Variants in DNAH11 observed in about 807,000 individuals in gnomAD.
The protein encoded by DNAH11 is dynein axonemal heavy chain 11.
Under a neutral mutation model 526.0 loss-of-function variants are expected in DNAH11, and 442 were observed. The observed-to-expected ratio is 0.84, with a 90% CI of 0.78 to 0.91. DNAH11 has a LOEUF of 0.91. DNAH11 is among the 40% of genes least tolerant of loss of function. DNAH11 has a pLI of 0.00. For synonymous variants in DNAH11, 2,461 were observed against 1,935.9 expected (o/e 1.27, Z -7.12); for missense variants, 6,989 against 5,448.7 (o/e 1.28, Z -8.90).
At chr7:21,717,033 TAGTG>T (rs965238258) in intron 42 of DNAH11, among the ~76,000 whole-genome samples, 4 of 152,168 alleles carry the variant, frequency 2.6e-5, no homozygotes, top group African/African-American at 9.7e-5. Context: ...GCTTCATCCT[TAGTG>T]AGAACTTTCT....
intron 65 of DNAH11, among the ~76,000 whole-genome samples, chr7:21,822,549 G>C (rs1790101086): frequency 6.6e-6 from 1 of 152,186 alleles, no homozygotes; most frequent in South Asian, 2.1e-4. Context: ...ACTCAAAAGG[G>C]TTTCTTATCT....
rs1237672981 is a variant in DNAH11, at chr7:21,852,565, G to C, written c.10995G>C (p.Leu3665=). The C allele has an allele frequency of 1.2e-6, 2 of 1,612,708 alleles. No homozygotes were observed. The highest frequency in any genetic ancestry group is 1.7e-5 in the Admixed American group (1 of 59,810). The change falls in exon 67 of 82, where the codon CTG becomes CTC. Residue 3665 remains leucine (L), a synonymous_variant. Coordinates refer to ENST00000409508, the MANE Select transcript of DNAH11 (RefSeq NM_001277115.2). ...TTTCTGCGGCAGAGGGAAGCTTTCT[G>C]GATGACACCAAACTGGTAGAGAGAT... The part of the protein sequence containing the change: ...LRLSAAEGSF[L]DDTKLVERLE...
chr7:21,543,606 G>T lies in DNAH11; in HGVS notation c.351+10G>T. On this transcript the variant is annotated intron_variant, in intron 1 of 81. Coordinates refer to ENST00000409508, the MANE Select transcript of DNAH11 (RefSeq NM_001277115.2). ...TGCGGCTTCCCAGGAGGTAAGAGGC[G>T]ACGGGCAAGGGGACCTGCCCATCCA... 6 of 1,576,980 alleles carry T rather than the reference G, an allele frequency of 3.8e-6. No homozygotes were observed. Among genetic ancestry groups the T allele is most frequent in the Non-Finnish European group, 5.2e-6 (6 of 1,160,836 alleles).
intron 55 of DNAH11, 78 bp downstream of exon 55, chr7:21,765,667 A>C (rs1787151600): frequency 7.4e-7 from 1 of 1,348,112 alleles, no homozygotes; most frequent in Non-Finnish European, 9.7e-7. Context: ...CACTCTGAAA[A>C]TCCTCAGTAG....
intron 61 of DNAH11, among the ~76,000 whole-genome samples, chr7:21,793,570 C>A (rs111977426): frequency 1.4e-5 from 2 of 147,970 alleles, no homozygotes; most frequent in Non-Finnish European, 3.0e-5. Flanking sequence ...GAGCCGAGAT[C>A]GTGCCATTGC....
intron 28 of DNAH11, among the ~76,000 whole-genome samples, chr7:21,639,507 A>C (rs770286676): frequency 1.3e-5 from 2 of 152,158 alleles, no homozygotes; most frequent in Non-Finnish European, 2.9e-5. Flanking sequence ...GTGCTGTCCA[A>C]GTTAGATTTG....
chr7:21,736,936 C>T (rs181170954), intron 46 of DNAH11, among the ~76,000 whole-genome samples: 1 of 152,306 alleles, frequency 6.6e-6, no homozygotes, highest in Admixed American at 6.5e-5. Context: ...GAAAGAAAGA[C>T]TCTATGATTT....
At chr7:21,656,515 C>G (rs767664391) in intron 29 of DNAH11, among the ~76,000 whole-genome samples, 1 of 152,180 alleles carries the variant, frequency 6.6e-6, no homozygotes, top group Admixed American at 6.5e-5. Context: ...AGCATATTCT[C>G]TCCTCTCACA....
chr7:21,885,285 G>C (rs978865158), intron 76 of DNAH11, among the ~76,000 whole-genome samples: 1 of 148,846 alleles, frequency 6.7e-6, no homozygotes, highest in African/African-American at 2.4e-5. Context: ...AAGTAATATA[G>C]TTATGTTTTT....
intron 6 of DNAH11, among the ~76,000 whole-genome samples, chr7:21,569,138 T>C (rs761145791): frequency 1.3e-5 from 2 of 152,198 alleles, no homozygotes; most frequent in African/African-American, 4.8e-5. Context: ...TTTTCATTAA[T>C]GGGAAATGAA....
At chr7:21,681,412 G>A in intron 30 of DNAH11, 134 bp from the exon 31 acceptor site, 2 of 889,288 alleles carry the variant, frequency 2.2e-6, no homozygotes, top group South Asian at 1.8e-5. Flanking sequence ...GGGTGACAGA[G>A]TGAGACTCCA....
chr7:21,702,626 TA>T, intron 36 of DNAH11, 83 bp from the exon 37 acceptor site: 1 of 1,159,918 alleles, frequency 8.6e-7, no homozygotes, highest in Non-Finnish European at 1.3e-6. Flanking sequence ...AACTCCTTCT[TA>T]AAAACTTTCA....
At chr7:21,732,869 A>G (rs1583639605) in intron 45 of DNAH11, among the ~76,000 whole-genome samples, 1 of 152,194 alleles carries the variant, frequency 6.6e-6, no homozygotes, top group South Asian at 2.1e-4. Flanking sequence ...GAGTGAGGAA[A>G]CCTTTCTCAG....
chr7:21,861,445 C>G (rs1270529140), intron 68 of DNAH11, among the ~76,000 whole-genome samples: 1 of 152,194 alleles, frequency 6.6e-6, no homozygotes, highest in Non-Finnish European at 1.5e-5. Flanking sequence ...GAAAAAAATT[C>G]CACATTTCTT....
chr7:21,880,098 A>AG (rs1446081558), intron 74 of DNAH11, among the ~76,000 whole-genome samples: 103 of 151,282 alleles, frequency 6.8e-4, no homozygotes, highest in African/African-American at 2.4e-3. Flanking sequence ...AAAAAAAAAA[A>AG]AAAGAAAGAA....
chr7:21,582,003 C>G lies in DNAH11; in HGVS notation c.1692C>G (p.Gly564=), dbSNP rs751008165. 6.8e-6 allele frequency: 11 copies of G among 1,610,386 alleles called. No individual in the cohort carries two copies. The highest frequency in any genetic ancestry group is 8.5e-6 in the Non-Finnish European group (10 of 1,176,946). The change falls in exon 9 of 82, where the codon GGC becomes GGG. Residue 564 remains glycine, a synonymous_variant. Coordinates refer to ENST00000409508, the MANE Select transcript of DNAH11 (RefSeq NM_001277115.2). ...GTGAAGCTTTCTTTAACTGCAATGG[C>G]TTAGAAGCTGCATTTAAGGTTAGTT... The part of the protein sequence containing the change: ...IICEAFFNCN[G]LEAAFKLLTI...
At chr7:21,587,765 C>G (rs1253639729) in intron 9 of DNAH11, among the ~76,000 whole-genome samples, 1 of 152,146 alleles carries the variant, frequency 6.6e-6, no homozygotes, top group African/African-American at 2.4e-5. Flanking sequence ...TGCAAAGCAT[C>G]TTCTAAAATG....
intron 65 of DNAH11, among the ~76,000 whole-genome samples, chr7:21,834,837 GAC>G (rs1169713163): frequency 4.6e-5 from 7 of 152,062 alleles, no homozygotes; most frequent in African/African-American, 7.2e-5. Flanking sequence ...CAGCCTGGGT[GAC>G]AGAGTGAGAT....
In DNAH11 at chr7:21,796,488, T is replaced by G. The variant is rs142594197; in HGVS notation, c.10027-4649T>G. On this transcript the variant is annotated intron_variant, in intron 61 of 81. Coordinates refer to ENST00000409508, the MANE Select transcript of DNAH11 (RefSeq NM_001277115.2). ...ACAAAAGAAAGTCAAGGAGAGAAAC[T>G]TGGGTTATAAACAGTTTATAAACTG... Among the ~76,000 whole-genome samples the G allele has an allele frequency of 4.4e-3, 664 of 152,218 alleles. 6 individuals are homozygous for G. Among genetic ancestry groups the G allele is most frequent in the African/African-American group, 0.015 (627 of 41,518 alleles).
Sources: allele counts gnomAD v4.1 joint callset (sites outside exome capture counted in the v4.1 genomes callset), GRCh38; gene constraint gnomAD v4.1.1; transcripts MANE v1.5; gene names NCBI Gene and HGNC (gene_info 2026-07-23, HGNC 2026-07-21).